Variants in CALN1 observed in about 807,000 individuals in gnomAD.
The protein encoded by CALN1 is calcium-binding protein 8.
Under a neutral mutation model 30.6 loss-of-function variants are expected in CALN1, and 17 were observed. The observed-to-expected ratio is 0.56, with a 90% confidence interval of 0.38 to 0.83. CALN1 has a LOEUF of 0.83. Ranked by LOEUF, CALN1 falls within the 40% of genes least tolerant of loss-of-function variation. CALN1 has a pLI of 0.00. For missense variants in CALN1, 291 were observed against 354.9 expected (o/e 0.82, Z 1.45); for synonymous variants, 156 against 131.4 (o/e 1.19, Z -1.28).
At chr7:71,876,348 C>T (rs995376111) in intron 5 of CALN1, among the ~76,000 whole-genome samples, 29 of 152,150 alleles carry the variant, frequency 1.9e-4, no homozygotes, top group African/African-American at 6.8e-4. Context: ...AGCAAGGTCA[C>T]TCCTCGTGTG....
rs114602374 is a variant in CALN1, at chr7:71,997,111, C to T, written c.501+26546G>A. On this transcript the variant is annotated intron_variant, in intron 5 of 6. Transcript: ENST00000395275. The stretch of plus-strand genomic sequence containing the variant: ...GGTTGTGGTGGCATGCACTGATAGT[C>T]CCAGCTACTCATGCGAGTGACTGAG... Among the ~76,000 whole-genome samples, 1,030 of 152,094 alleles carry T rather than the reference C, an allele frequency of 6.8e-3. 11 individuals are homozygous for T. Among genetic ancestry groups the T allele is most frequent in the African/African-American group, 0.024 (991 of 41,502 alleles).
chr7:72,376,003 C>T (rs974877088), intron 2 of CALN1, among the ~76,000 whole-genome samples: 4 of 152,132 alleles, frequency 2.6e-5, no homozygotes, highest in Non-Finnish European at 5.9e-5. Context: ...AGAATCATAC[C>T]ATATACAGCC....
intron 5 of CALN1, among the ~76,000 whole-genome samples, chr7:71,841,389 T>C (rs530874723): frequency 2.6e-5 from 4 of 152,186 alleles, no homozygotes; most frequent in Non-Finnish European, 4.4e-5. Flanking sequence ...AAAGACTGGA[T>C]GGAATCATCA....
At chr7:72,401,786 G>C (rs954714194) in intron 2 of CALN1, among the ~76,000 whole-genome samples, 1 of 152,238 alleles carries the variant, frequency 6.6e-6, no homozygotes, top group Non-Finnish European at 1.5e-5. Context: ...GATATCCTCA[G>C]ATCTAGAGGT....
chr7:72,163,807 A>C (rs1308814645), intron 3 of CALN1, among the ~76,000 whole-genome samples: 1 of 152,220 alleles, frequency 6.6e-6, no homozygotes, highest in Non-Finnish European at 1.5e-5. Flanking sequence ...GAGAGATTTA[A>C]CATACATGTA....
intron 2 of CALN1, among the ~76,000 whole-genome samples, chr7:72,376,029 C>A (rs1804534472): frequency 6.6e-6 from 1 of 152,152 alleles, no homozygotes; most frequent in Non-Finnish European, 1.5e-5. Context: ...TGTCCAGTTT[C>A]TTTGCCTAGC....
At chr7:72,198,054 A>T (rs952919602) in intron 3 of CALN1, among the ~76,000 whole-genome samples, 2 of 152,162 alleles carry the variant, frequency 1.3e-5, no homozygotes, top group African/African-American at 4.8e-5. Flanking sequence ...GCGCTCCCTG[A>T]TATATTAAAT....
chr7:72,401,253 T>C (rs1806319941), intron 2 of CALN1, among the ~76,000 whole-genome samples: 1 of 152,084 alleles, frequency 6.6e-6, no homozygotes, highest in Non-Finnish European at 1.5e-5. Context: ...AGAGATAACA[T>C]TACTGCTGAA....
the CALN1 span, among the ~76,000 whole-genome samples, chr7:72,482,888 C>T: frequency 2.0e-5 from 3 of 152,040 alleles, no homozygotes; most frequent in African/African-American, 2.4e-5. Context: ...TCATTTATTG[C>T]AGATATGCTT....
At chr7:72,305,348 A>G (rs1185593476) in intron 2 of CALN1, among the ~76,000 whole-genome samples, 1 of 152,218 alleles carries the variant, frequency 6.6e-6, no homozygotes, top group East Asian at 1.9e-4. Context: ...AATTACACAA[A>G]AAGTTCCACT....
Position 72,353,454 on chromosome 7 carries a change from A to T in CALN1, c.119+49797T>A, listed in dbSNP as rs528963063. Among the ~76,000 whole-genome samples, 69 of 152,330 alleles carry T rather than the reference A, an allele frequency of 4.5e-4. 1 individual carries two copies. In the South Asian group the frequency reaches 6.8e-3, roughly 15 times the overall value. ...TCTAAAAGATGAATCAATTTAATTT[A>T]TCCTATTTATAGAAGAAAAAATTAC... is the stretch of plus-strand genomic sequence containing the variant. On this transcript the variant is annotated intron_variant, in intron 2 of 6. Transcript: ENST00000395275.
At chr7:72,494,869 A>AAATAAT in the CALN1 span, among the ~76,000 whole-genome samples, 21,297 of 150,840 alleles carry the variant, frequency 0.14, 1,658 homozygotes, top group African/African-American at 0.17. Context: ...CCTGTCTCAA[A>AAATAAT]AATAATAATA....
chr7:72,129,564 A>G (rs1408897856), intron 3 of CALN1, among the ~76,000 whole-genome samples: 2 of 152,170 alleles, frequency 1.3e-5, no homozygotes, highest in Non-Finnish European at 2.9e-5. Flanking sequence ...AAGTCCTCAT[A>G]TTTTTGGAGA....
chr7:71,788,478 G>GTTTTTTTT (rs71092906), intron 6 of CALN1, among the ~76,000 whole-genome samples: 8 of 141,836 alleles, frequency 5.6e-5, no homozygotes, highest in South Asian at 2.3e-4. Context: ...TTACTAAGAG[G>GTTTTTTTT]TTTTTTTTTG....
chr7:72,377,832 G>A (rs1030855552), intron 2 of CALN1, among the ~76,000 whole-genome samples: 5 of 152,102 alleles, frequency 3.3e-5, no homozygotes, highest in African/African-American at 7.2e-5. Context: ...TTCTACCTGC[G>A]TAGAAGCTGA....
chr7:72,228,869 C>T (rs1793878672), intron 3 of CALN1, among the ~76,000 whole-genome samples: 2 of 151,424 alleles, frequency 1.3e-5, no homozygotes, highest in South Asian at 4.2e-4. Flanking sequence ...TTACATGATC[C>T]TCCCACCTCA....
chr7:72,163,645 A>G (rs1193400906), intron 3 of CALN1, among the ~76,000 whole-genome samples: 1 of 152,172 alleles, frequency 6.6e-6, no homozygotes, highest in Non-Finnish European at 1.5e-5. Context: ...ATCAGTAATA[A>G]AAAGTTCACT....
intron 3 of CALN1, among the ~76,000 whole-genome samples, chr7:72,160,063 A>C (rs531787225): frequency 6.6e-6 from 1 of 152,108 alleles, no homozygotes; most frequent in African/African-American, 2.4e-5. Flanking sequence ...TGGGCAACCA[A>C]CCCAAACAAG....
At chr7:72,425,952 C>T (rs1197109498) in intron 1 of CALN1, among the ~76,000 whole-genome samples, 1 of 152,024 alleles carries the variant, frequency 6.6e-6, no homozygotes, top group Middle Eastern at 3.2e-3. Flanking sequence ...CGGAGGGAGC[C>T]GAAGACATAA....
Sources: allele counts gnomAD v4.1 joint callset (sites outside exome capture counted in the v4.1 genomes callset), GRCh38; gene constraint gnomAD v4.1.1; transcripts MANE v1.5; gene names NCBI Gene and HGNC (gene_info 2026-07-23, HGNC 2026-07-21).